The following CEP112 variants were observed in gnomAD, a reference collection of about 807,000 sequenced individuals.
CEP112 encodes centrosomal protein 112, also known as centrosomal protein of 112 kDa.
CEP112 carries 127 observed loss-of-function variants against 153.0 expected under a neutral mutation model. That is an observed-to-expected ratio of 0.83 (90% CI 0.72 to 0.96). The LOEUF (loss-of-function observed/expected upper bound fraction) is 0.96, where lower values mean the gene tolerates loss of function less well. Ranked by LOEUF, CEP112 falls within the 40% of genes least tolerant of loss-of-function variation. The probability of loss-of-function intolerance (pLI) is 0.00; values close to 1 mark genes in which losing one functional copy is unlikely to be tolerated. For missense variants in CEP112, 1,089 were observed against 1,101.2 expected (o/e 0.99, Z 0.16); for synonymous variants, 358 against 374.4 (o/e 0.96, Z 0.51).
intron 17 of CEP112, among the ~76,000 whole-genome samples, chr17:65,991,965 A>G (rs986137113): frequency 2.6e-5 from 4 of 152,072 alleles, no homozygotes; most frequent in African/African-American, 9.7e-5. Flanking sequence ...GGTAAACTGG[A>G]AGGCTGTCTG....
At chr17:66,158,533 A>C (rs2071548089) in intron 4 of CEP112, among the ~76,000 whole-genome samples, 2 of 152,066 alleles carry the variant, frequency 1.3e-5, no homozygotes, top group Admixed American at 1.3e-4. Context: ...AATGGCGTGA[A>C]CCCAGGAGGT....
At chr17:65,829,459 T>C (rs1396115752) in intron 21 of CEP112, among the ~76,000 whole-genome samples, 1 of 152,168 alleles carries the variant, frequency 6.6e-6, no homozygotes, top group Non-Finnish European at 1.5e-5. Flanking sequence ...CTCATTCTAT[T>C]GTCCTCCCCT....
chr17:65,874,428 C>CAA (rs2058757592), intron 20 of CEP112, among the ~76,000 whole-genome samples: 2 of 152,072 alleles, frequency 1.3e-5, no homozygotes, highest in African/African-American at 4.8e-5. Flanking sequence ...ACTTTATCAA[C>CAA]AATTGCCAGC....
At chr17:66,128,708 T>C (rs907894299) in intron 6 of CEP112, among the ~76,000 whole-genome samples, 6 of 152,178 alleles carry the variant, frequency 3.9e-5, no homozygotes, top group African/African-American at 1.4e-4. Context: ...TTAAACAAAC[T>C]GGGAGCAATT....
At chr17:66,027,914 G>A (rs1402434965) in intron 15 of CEP112, among the ~76,000 whole-genome samples, 2 of 151,874 alleles carry the variant, frequency 1.3e-5, no homozygotes, top group Non-Finnish European at 2.9e-5. Flanking sequence ...TTGATCACGA[G>A]AGAAAAGAGA....
At chr17:66,077,849 C>T (rs1315855789) in intron 8 of CEP112, among the ~76,000 whole-genome samples, 1 of 152,226 alleles carries the variant, frequency 6.6e-6, no homozygotes, top group African/African-American at 2.4e-5. Flanking sequence ...GTTTACCCTG[C>T]TGACTGTTCC....
At chr17:65,769,464 A>G (rs1366701684) in intron 21 of CEP112, among the ~76,000 whole-genome samples, 1 of 152,092 alleles carries the variant, frequency 6.6e-6, no homozygotes, top group Non-Finnish European at 1.5e-5. Context: ...TAGCCAATGC[A>G]ATTCTGAGAA....
At chr17:65,821,510 A>G (rs1568066746) in intron 21 of CEP112, among the ~76,000 whole-genome samples, 1 of 110,564 alleles carries the variant, frequency 9.0e-6, no homozygotes, top group Non-Finnish European at 1.8e-5. Context: ...ATATATATAT[A>G]TAATTATATA....
chr17:66,038,644 T>C (rs964108296), intron 12 of CEP112, among the ~76,000 whole-genome samples: 2 of 152,136 alleles, frequency 1.3e-5, no homozygotes, highest in African/African-American at 4.8e-5. Flanking sequence ...CAGAATTCAG[T>C]GGTATATGAC....
intron 8 of CEP112, among the ~76,000 whole-genome samples, chr17:66,093,004 T>C (rs2146258410): frequency 6.6e-6 from 1 of 152,224 alleles, no homozygotes; most frequent in South Asian, 2.1e-4. Context: ...ATAGTACTGG[T>C]GGTCCTAGCC....
At chr17:65,738,847 G>C (rs1399742593) in intron 23 of CEP112, among the ~76,000 whole-genome samples, 2 of 152,178 alleles carry the variant, frequency 1.3e-5, no homozygotes, top group Admixed American at 6.5e-5. Context: ...CGGACCTTTA[G>C]TATAGACTAC....
intron 20 of CEP112, among the ~76,000 whole-genome samples, chr17:65,880,279 C>T (rs1458543639): frequency 6.6e-6 from 1 of 151,964 alleles, no homozygotes; most frequent in African/African-American, 2.4e-5. Context: ...TCCAATCTTA[C>T]CTTATTTTTT....
intron 20 of CEP112, among the ~76,000 whole-genome samples, chr17:65,862,653 T>C (rs2058347534): frequency 6.6e-6 from 1 of 152,162 alleles, no homozygotes; most frequent in Admixed American, 6.5e-5. Context: ...TTCATTTTGT[T>C]GTATGTATTA....
chr17:66,138,249 G>C (rs1226939425), intron 4 of CEP112, among the ~76,000 whole-genome samples: 1 of 152,188 alleles, frequency 6.6e-6, no homozygotes, highest in Non-Finnish European at 1.5e-5. Flanking sequence ...AGAGGAGTTC[G>C]TCAACAGGAA....
chr17:65,635,907 A>C lies in CEP112; in HGVS notation c.*64T>G. The C allele has an allele frequency of 1.1e-5, 17 of 1,559,320 alleles. No homozygotes were observed. Among genetic ancestry groups the C allele is most frequent in the Non-Finnish European group, 1.4e-5 (16 of 1,144,180 alleles). On this transcript the variant is annotated 3_prime_UTR_variant, in exon 27 of 27. Coordinates refer to ENST00000535342, the MANE Select transcript of CEP112 (RefSeq NM_001199165.4). ...CACAGTTTACAATATCCAAATCTTC[A>C]AACCTGCTGGAAGAAGTCCACAGCA...
intron 17 of CEP112, among the ~76,000 whole-genome samples, chr17:65,987,253 GA>G (rs2063443335): frequency 6.6e-6 from 1 of 151,792 alleles, no homozygotes; most frequent in Non-Finnish European, 1.5e-5. Flanking sequence ...TGATTAAGAT[GA>G]AAAATAGAAA....
intron 4 of CEP112, among the ~76,000 whole-genome samples, chr17:66,158,909 A>T (rs888645600): frequency 2.6e-5 from 4 of 152,236 alleles, no homozygotes; most frequent in African/African-American, 9.6e-5. Context: ...CAATGAATCC[A>T]GGAGCTGGTT....
chr17:66,074,860 TAAAAAAAA>T (rs34251281), intron 8 of CEP112, among the ~76,000 whole-genome samples: 4 of 95,712 alleles, frequency 4.2e-5, no homozygotes, highest in Non-Finnish European at 6.1e-5. Context: ...AGGCTCTGTC[TAAAAAAAA>T]AAAAGAAAAA....
intron 23 of CEP112, among the ~76,000 whole-genome samples, chr17:65,709,786 G>T (rs905751044): frequency 6.6e-6 from 1 of 152,198 alleles, no homozygotes; most frequent in African/African-American, 2.4e-5. Flanking sequence ...TTTCCTTTAA[G>T]AATATTCTTA....
Sources: gnomAD v4.1 joint callset for allele counts (sites outside exome capture counted in the v4.1 genomes callset) on GRCh38, gnomAD v4.1.1 for gene constraint, MANE v1.5 for transcripts, NCBI Gene and HGNC (gene_info 2026-07-23, HGNC 2026-07-21) for gene names.